Variants in CPD observed in about 807,000 individuals in gnomAD.
The protein encoded by CPD is metallocarboxypeptidase D.
A neutral mutation model predicts 138.3 loss-of-function variants in CPD; 69 were observed. The ratio of observed to expected loss-of-function variants is 0.50; its 90% CI spans 0.41 to 0.61. The LOEUF is 0.61. Ranked by LOEUF, CPD falls within the 20% of genes least tolerant of loss-of-function variation. CPD has a pLI of 0.00. For missense variants in CPD, 1,432 were observed against 1,733.3 expected (o/e 0.83, Z 3.09); for synonymous variants, 651 against 642.1 (o/e 1.01, Z -0.21).
chr17:30,443,783 G>A lies in CPD; in HGVS notation c.2374-19G>A, dbSNP rs749695291. ...ATGATGTTTATTATTGAAATCTGGT[G>A]TCCTTGTACTTAATCCAGGTTCATC... On this transcript the variant is annotated intron_variant, in intron 10 of 20. Coordinates refer to ENST00000225719, the MANE Select transcript of CPD (RefSeq NM_001304.5). 2.7e-5 allele frequency: 43 copies of A among 1,588,298 alleles called. No individual in the cohort carries two copies. The South Asian group carries it at 3.9e-4, about 15-fold the overall frequency.
chr17:30,416,359 T>C (rs112954584), intron 2 of CPD, among the ~76,000 whole-genome samples: 1,918 of 152,314 alleles, frequency 0.013, 36 homozygotes, highest in African/African-American at 0.044. Context: ...TCTAGAGCTC[T>C]ATTGCACAGC....
chr17:30,415,976 C>T (rs994936067), intron 2 of CPD, among the ~76,000 whole-genome samples: 1 of 152,018 alleles, frequency 6.6e-6, no homozygotes, highest in Non-Finnish European at 1.5e-5. Flanking sequence ...TGCCAAGAGC[C>T]GGGGAGAGTG....
chr17:30,436,454 T>C lies in CPD; in HGVS notation c.2128-2521T>C, dbSNP rs568427368. On this transcript the variant is annotated intron_variant, in intron 8 of 20. Transcript: ENST00000225719. Reference sequence around the variant, plus strand: ...AAAGACAAATCATCCAAGTGAAAAATAGGCAAAGGATCTGAATGGACATTT... The same window carrying C: ...AAAGACAAATCATCCAAGTGAAAAACAGGCAAAGGATCTGAATGGACATTT... 2.2e-4 allele frequency among the ~76,000 whole-genome samples: 33 copies of C among 152,124 alleles called. No individual in the cohort carries two copies. In the East Asian group the frequency reaches 6.4e-3, roughly 29 times the overall value.
chr17:30,433,905 C>A (rs1394202827), intron 8 of CPD, among the ~76,000 whole-genome samples: 1 of 152,220 alleles, frequency 6.6e-6, no homozygotes, highest in Non-Finnish European at 1.5e-5. Context: ...CTTGATCCCA[C>A]TGCATTCTGC....
chr17:30,413,812 G>A (rs530579489), intron 2 of CPD, among the ~76,000 whole-genome samples: 1 of 152,226 alleles, frequency 6.6e-6, no homozygotes, highest in East Asian at 1.9e-4. Flanking sequence ...TGGGCTTGGG[G>A]ATAGTGATGG....
chr17:30,453,355 G>A (rs1597735817), intron 14 of CPD, among the ~76,000 whole-genome samples: 1 of 152,182 alleles, frequency 6.6e-6, no homozygotes, highest in Non-Finnish European at 1.5e-5. Flanking sequence ...GGGGCTACAG[G>A]CCCCATGCAA....
chr17:30,408,846 T>A (rs1330246815), intron 2 of CPD, among the ~76,000 whole-genome samples: 4 of 152,168 alleles, frequency 2.6e-5, no homozygotes, highest in African/African-American at 9.7e-5. Flanking sequence ...AACACTATGT[T>A]GAACAGGAGT....
chr17:30,434,038 T>G (rs1417516850), intron 8 of CPD, among the ~76,000 whole-genome samples: 1 of 152,186 alleles, frequency 6.6e-6, no homozygotes, highest in Non-Finnish European at 1.5e-5. Flanking sequence ...AAAAATATTG[T>G]CTTCTGCTAA....
intron 2 of CPD, among the ~76,000 whole-genome samples, chr17:30,390,398 A>T (rs1193304862): frequency 6.6e-6 from 1 of 152,360 alleles, no homozygotes; most frequent in Non-Finnish European, 1.5e-5. Context: ...GAAAGTGAAT[A>T]TATTGATTTA....
chr17:30,436,742 A>G (rs976835630), intron 8 of CPD, among the ~76,000 whole-genome samples: 1 of 152,260 alleles, frequency 6.6e-6, no homozygotes, highest in South Asian at 2.1e-4. Context: ...GAATTGTAAT[A>G]TGACCCAGCA....
Position 30,451,878 on chromosome 17 carries a change from T to G in CPD, c.3205+32T>G, listed in dbSNP as rs766327816. The G allele has an allele frequency of 5.0e-6, 8 of 1,595,358 alleles. No individual in the cohort carries two copies. The South Asian group carries it at 7.9e-5, about 16-fold the overall frequency. On this transcript the variant is annotated intron_variant, in intron 14 of 20. Coordinates refer to ENST00000225719, the MANE Select transcript of CPD (RefSeq NM_001304.5). ...CTAATTTTTAGGCTACTAAAGTACT[T>G]AGGAGATAATTTTCTTTCTGCTAGA...
intron 7 of CPD, among the ~76,000 whole-genome samples, chr17:30,429,112 A>T (rs1407742964): frequency 6.6e-6 from 1 of 152,196 alleles, no homozygotes; most frequent in Admixed American, 6.5e-5. Context: ...AAGTACTTCT[A>T]CAGTTGGTAA....
In CPD at chr17:30,449,765, G is replaced by C; in HGVS notation, c.3069+17G>C. ...GTTACCCAAGTAAGAGAATAGCCGA[G>C]GTTGACATGCTTTAAAAGGAAAAAG... On this transcript the variant is annotated intron_variant, in intron 13 of 20. Transcript: ENST00000225719. The C allele has an allele frequency of 6.5e-7, 1 of 1,532,332 alleles. No individual in the cohort carries two copies. The highest frequency in any genetic ancestry group is 1.4e-5 in the African/African-American group (1 of 70,300). The allele number at this position is 1,532,332 out of a possible 1,614,324, so 94.9% of individuals were successfully genotyped here.
At chr17:30,438,863 C>G in intron 8 of CPD, 112 bp from the exon 9 acceptor site, 1 of 580,014 alleles carries the variant, frequency 1.7e-6, no homozygotes, top group Non-Finnish European at 3.0e-6. Flanking sequence ...CCACCTCCAC[C>G]CCTCACATAC....
At chr17:30,401,354 CTCT>C (rs756596955) in intron 2 of CPD, among the ~76,000 whole-genome samples, 24 of 149,550 alleles carry the variant, frequency 1.6e-4, no homozygotes, top group South Asian at 6.4e-4. Context: ...CCTCCTCTTC[CTCT>C]TCTTCCTCCT....
At chr17:30,384,938 G>T in intron 1 of CPD, 51 bp from the exon 2 acceptor site, 1 of 1,571,454 alleles carries the variant, frequency 6.4e-7, no homozygotes, top group South Asian at 1.2e-5. Context: ...TTTAATGCAT[G>T]GTGTTTTGTG....
At chr17:30,426,323 G>A (rs965326747) in intron 6 of CPD, among the ~76,000 whole-genome samples, 6 of 152,082 alleles carry the variant, frequency 3.9e-5, no homozygotes, top group Admixed American at 6.5e-5. Context: ...GGCCAGCCAC[G>A]CAGGAGAATT....
chr17:30,458,914 T>A (rs1913376451), intron 17 of CPD, among the ~76,000 whole-genome samples: 1 of 151,734 alleles, frequency 6.6e-6, no homozygotes, highest in Non-Finnish European at 1.5e-5. Context: ...AGCTGCCATA[T>A]TTCAGTCATT....
chr17:30,443,558 A>T (rs1279195518), intron 10 of CPD, among the ~76,000 whole-genome samples: 3 of 152,206 alleles, frequency 2.0e-5, no homozygotes, highest in Admixed American at 2.0e-4. Context: ...TGAAATCATC[A>T]GAATGTGCTA....
Sources: gnomAD v4.1 joint callset for allele counts (sites outside exome capture counted in the v4.1 genomes callset) on GRCh38, gnomAD v4.1.1 for gene constraint, MANE v1.5 for transcripts, NCBI Gene and HGNC (gene_info 2026-07-23, HGNC 2026-07-21) for gene names.